The following ACIN1 variants were observed in gnomAD, a reference collection of about 807,000 sequenced individuals.
ACIN1 encodes apoptotic chromatin condensation inducer 1.
In ACIN1, 16 loss-of-function variants were observed where a neutral mutation model predicts 146.6. The ratio of observed to expected loss-of-function variants is 0.11; its 90% CI spans 0.07 to 0.17. The LOEUF (loss-of-function observed/expected upper bound fraction) is 0.17, where lower values mean the gene tolerates loss of function less well. Ranked by LOEUF, ACIN1 falls within the 10% of genes least tolerant of loss-of-function variation. The pLI is 1.00. For missense variants in ACIN1, 1,357 were observed against 1,609.3 expected (o/e 0.84, Z 2.68); for synonymous variants, 569 against 582.7 (o/e 0.98, Z 0.34).
At chr14:23,079,108 T>C (rs946855989) in intron 6 of ACIN1, 70 bp from the exon 7 acceptor site, 18 of 1,453,744 alleles carry the variant, frequency 1.2e-5, no homozygotes, top group Non-Finnish European at 1.5e-5. Flanking sequence ...ATTGCTGAGT[T>C]TTCCAGTTTC....
Position 23,063,066 on chromosome 14 carries a change from C to T in ACIN1, c.2746G>A (p.Gly916Arg). Residue 916 changes from glycine (G) to arginine (R), a missense_variant, in exon 14 of 19, where the codon GGA (glycine) becomes AGA (arginine). By Grantham distance (125) the Gly-to-Arg change is moderately radical. Around this residue, in one of 4 missense-constraint regions of ACIN1, gnomAD observed 509 missense variants for 719.6 expected, o/e 0.71. Transcript: ENST00000605057. ...AEHEVKKVTL[G>R]DTLTRRSISQ... ...ATGGAACGTCGAGTTAAGGTATCTC[C>T]TAAAGTCACTATCAAGAAGACCACA... 6.2e-7 allele frequency: 1 copy of T among 1,607,926 alleles called. No homozygotes were observed. Among genetic ancestry groups the T allele is most frequent in the Non-Finnish European group, 8.5e-7 (1 of 1,178,042 alleles).
chr14:23,071,420 T>C, intron 8 of ACIN1: 9 of 1,551,462 alleles, frequency 5.8e-6, no homozygotes, highest in Non-Finnish European at 7.8e-6. Context: ...AAGCGTTAAG[T>C]CCTCACGGCA....
chr14:23,087,442 C>CT (rs78090655), intron 4 of ACIN1, among the ~76,000 whole-genome samples: 2,068 of 139,658 alleles, frequency 0.015, 44 homozygotes, highest in East Asian at 0.067. Context: ...TATTTTTCAC[C>CT]TTTTTTTTTT....
intron 2 of ACIN1, among the ~76,000 whole-genome samples, chr14:23,091,886 A>C (rs1199464273): frequency 1.3e-5 from 2 of 152,224 alleles, no homozygotes; most frequent in African/African-American, 4.8e-5. Flanking sequence ...GGCCTCCCAA[A>C]GTGCTAGCAT....
chr14:23,061,582 T>C lies in ACIN1; in HGVS notation c.3140A>G (p.Glu1047Gly), dbSNP rs776121241. The change falls in exon 17 of 19, where the codon GAA becomes GGA. Residue 1047 changes from glutamate (E) to glycine (G), a missense_variant. By Grantham distance (98) the Glu-to-Gly change is moderately conservative. Around this residue, in one of 4 missense-constraint regions of ACIN1, gnomAD observed 509 missense variants for 719.6 expected, o/e 0.71. Coordinates refer to ENST00000605057, the MANE Select transcript of ACIN1 (RefSeq NM_001386863.1). Reference protein sequence around the residue: ...HRGLLVDRPSETKTEEQGIPR... With the variant: ...HRGLLVDRPSGTKTEEQGIPR... ...TATTCCCTGCTCCTCTGTCTTAGTT[T>C]CAGAGGGACGGTCCACCAAGAGGCC... 1 of 1,557,452 alleles carries C rather than the reference T, an allele frequency of 6.4e-7. No individual in the cohort carries two copies. Among genetic ancestry groups the C allele is most frequent in the Non-Finnish European group, 8.7e-7 (1 of 1,151,640 alleles).
intron 2 of ACIN1, among the ~76,000 whole-genome samples, chr14:23,091,719 G>A (rs1428723259): frequency 6.6e-6 from 1 of 151,718 alleles, no homozygotes; most frequent in Non-Finnish European, 1.5e-5. Context: ...CGCCTCCTGG[G>A]TTCAAGACAT....
chr14:23,090,504 G>T lies in ACIN1; in HGVS notation c.316+18C>A. 6.2e-7 allele frequency: 1 copy of T among 1,609,430 alleles called. No individual in the cohort carries two copies. Among genetic ancestry groups the T allele is most frequent in the Non-Finnish European group, 8.5e-7 (1 of 1,175,946 alleles). On this transcript the variant is annotated intron_variant, in intron 3 of 18. Transcript: ENST00000605057. Reference sequence around the variant, plus strand: ...AAGAATGACGAACTCCTTGTTAAAAGTGACAATCTGGGCTTACCTTCAAGT... The same window carrying T: ...AAGAATGACGAACTCCTTGTTAAAATTGACAATCTGGGCTTACCTTCAAGT...
At chr14:23,060,261 G>A (rs1009644043) in intron 18 of ACIN1, among the ~76,000 whole-genome samples, 8 of 151,888 alleles carry the variant, frequency 5.3e-5, no homozygotes, top group African/African-American at 1.9e-4. Flanking sequence ...GAGCCACCAT[G>A]CCTAGCCACC....
At chr14:23,095,347 G>T, upstream of ACIN1, 1 of 1,535,958 alleles carries the variant, frequency 6.5e-7, no homozygotes, top group Non-Finnish European at 8.8e-7. Flanking sequence ...CTGCTTTCAG[G>T]CTCGGTTTTC....
intron 8 of ACIN1, among the ~76,000 whole-genome samples, chr14:23,074,717 A>C (rs374077571): frequency 6.6e-6 from 1 of 152,212 alleles, no homozygotes; most frequent in Admixed American, 6.5e-5. Context: ...AGCAGTGGGG[A>C]TATCTACCCA....
rs1345574076 is a variant in ACIN1 at position 23,067,014 on chromosome 14, TCCCATCCACC to T, written c.2266-1016_2266-1007del. Among the ~76,000 whole-genome samples, 1 of 151,868 alleles carries T rather than the reference TCCCATCCACC, an allele frequency of 6.6e-6. No individual in the cohort carries two copies. The highest frequency in any genetic ancestry group is 2.4e-5 in the African/African-American group (1 of 41,322). On this transcript the variant is annotated intron_variant, in intron 9 of 18. Coordinates refer to ENST00000605057, the MANE Select transcript of ACIN1 (RefSeq NM_001386863.1). The surrounding 1 kb of genome is among the most constrained non-coding windows in gnomAD (Gnocchi z 4.6). Reference sequence around the variant, plus strand: ...CAGAAACCTCGTGATGAAATCCCTTTCCCATCCACCCCCACCCGCAGCCCCGTTTGTGTCG... The same window carrying T: ...CAGAAACCTCGTGATGAAATCCCTTTCCCACCCGCAGCCCCGTTTGTGTCG...
intron 9 of ACIN1, 97 bp from the exon 10 acceptor site, chr14:23,066,105 C>A: frequency 1.1e-6 from 1 of 908,412 alleles, no homozygotes; most frequent in Non-Finnish European, 1.8e-6. Flanking sequence ...GCTTAGCCTC[C>A]AAAGACACAG....
chr14:23,084,915 AAAT>A (rs1490475347), intron 4 of ACIN1, among the ~76,000 whole-genome samples: 1 of 152,206 alleles, frequency 6.6e-6, no homozygotes, highest in Non-Finnish European at 1.5e-5. Flanking sequence ...CTAAGTTATA[AAAT>A]AAGTAAAACC....
In ACIN1 at chr14:23,061,084, C is replaced by T. The variant is rs201871015; in HGVS notation, c.3525G>A (p.Gln1175=). 3.8e-4 allele frequency: 611 copies of T among 1,613,754 alleles called. 3 individuals are homozygous for T. In the Admixed American group the frequency reaches 6.4e-3, roughly 17 times the overall value. The part of the protein sequence containing the change: ...CIYWLPLTDS[Q]IVQKEAERAE... ...GCAGGGCACGAAGAAGAGCACTCAC[C>T]TGGCTGTCAGTCAGTGGGAGCCAAT... Residue 1175 remains glutamine (Q), a splice_region_variant and synonymous_variant, in exon 18 of 19, where the codon CAG becomes CAA. Coordinates refer to ENST00000605057, the MANE Select transcript of ACIN1 (RefSeq NM_001386863.1).
chr14:23,095,218 T>C (rs1215873688), upstream of ACIN1: 5 of 1,613,760 alleles, frequency 3.1e-6, no homozygotes, highest in Non-Finnish European at 4.2e-6. Context: ...TGCCATACTC[T>C]ACCCCTCGAT....
At chr14:23,088,963 G>A (rs1317872315) in intron 4 of ACIN1, among the ~76,000 whole-genome samples, 1 of 152,100 alleles carries the variant, frequency 6.6e-6, no homozygotes, top group Non-Finnish European at 1.5e-5. Flanking sequence ...TACTGACTTA[G>A]ACAGGTAGTT....
intron 8 of ACIN1, chr14:23,071,452 G>T: frequency 1.9e-6 from 3 of 1,551,728 alleles, no homozygotes; most frequent in Non-Finnish European, 2.6e-6. Flanking sequence ...CGGCTGGATT[G>T]GTCTCTCTGG....
Position 23,079,614 on chromosome 14 carries a change from C to T in ACIN1, c.1721G>A (p.Arg574Lys), listed in dbSNP as rs1308029174. The T allele has an allele frequency of 6.2e-7, 1 of 1,614,148 alleles. No homozygotes were observed. Among genetic ancestry groups the T allele is most frequent in the East Asian group, 2.2e-5 (1 of 44,888 alleles). The change falls in exon 6 of 19, where the codon AGA becomes AAA. Residue 574 changes from arginine (R) to lysine (K), a missense_variant. By Grantham distance (26) the Arg-to-Lys change is conservative (BLOSUM62 2). Coordinates refer to ENST00000605057, the MANE Select transcript of ACIN1 (RefSeq NM_001386863.1). ...NPRGRPKMGS[R>K]STSESRSRSR... ...CCTTGATCTGGACTCTGATGTTGAT[C>T]TGGAGCCCATCTTGGGTCTACCACG...
At chr14:23,077,305 A>G (rs61181245) in intron 8 of ACIN1, among the ~76,000 whole-genome samples, 2,964 of 152,322 alleles carry the variant, frequency 0.019, 98 homozygotes, top group African/African-American at 0.068. Context: ...CAAGTATAGA[A>G]TAACTTTAGG....
Sources: allele counts gnomAD v4.1 joint callset (sites outside exome capture counted in the v4.1 genomes callset), GRCh38; gene constraint gnomAD v4.1.1; regional missense constraint gnomAD v4.1.1; non-coding constraint Gnocchi (gnomAD v3.1); transcripts MANE v1.5; gene names NCBI Gene and HGNC (gene_info 2026-07-23, HGNC 2026-07-21).